Variants in KALRN observed in about 807,000 individuals in gnomAD.
KALRN encodes the protein kalirin RhoGEF kinase.
Under a neutral mutation model 353.7 loss-of-function variants are expected in KALRN, and 70 were observed. The ratio of observed to expected loss-of-function variants is 0.20; its 90% confidence interval spans 0.16 to 0.24. The LOEUF is 0.24. Among genes scored for constraint, KALRN ranks in the 10% least tolerant of loss-of-function variants. The pLI is 1.00. For synonymous variants in KALRN, 1,391 were observed against 1,434.8 expected (o/e 0.97, Z 0.69); for missense variants, 2,791 against 3,756.7 (o/e 0.74, Z 6.72).
chr3:124,280,380 G>T (rs2075224989), intron 5 of KALRN, among the ~76,000 whole-genome samples: 1 of 152,138 alleles, frequency 6.6e-6, no homozygotes, highest in African/African-American at 2.4e-5. Context: ...GGTCATTGGG[G>T]AACTACTCTC....
intron 6 of KALRN, among the ~76,000 whole-genome samples, chr3:124,321,702 A>C (rs931568018): frequency 6.6e-6 from 1 of 152,246 alleles, no homozygotes. Flanking sequence ...GCAGGGTGTC[A>C]ATATACACGG....
intron 12 of KALRN, among the ~76,000 whole-genome samples, chr3:124,396,895 C>T (rs1046223802): frequency 6.6e-6 from 1 of 152,202 alleles, no homozygotes; most frequent in Admixed American, 6.5e-5. Flanking sequence ...CCTAGGCTCC[C>T]CTCCCTGACA....
At chr3:124,488,542 G>A (rs1195327680) in intron 29 of KALRN, 1 of 508,156 alleles carries the variant, frequency 2.0e-6, no homozygotes, top group Non-Finnish European at 3.6e-6. Context: ...TGGAGGTTAT[G>A]TGGACATGTT....
At chr3:124,199,056 G>T (rs769120901) in intron 1 of KALRN, among the ~76,000 whole-genome samples, 25 of 152,342 alleles carry the variant, frequency 1.6e-4, no homozygotes, top group Non-Finnish European at 2.5e-4. Context: ...CTAAGGAAAG[G>T]CCTGAAAGGC....
At position 124,511,545 on chromosome 3, in the gene KALRN, C is replaced by A. The variant is rs148453024; in HGVS notation, c.4935+15132C>A. 2.0e-3 allele frequency among the ~76,000 whole-genome samples: 297 copies of A among 152,270 alleles called. 1 individual carries two copies. Among genetic ancestry groups the A allele is most frequent in the African/African-American group, 7.0e-3 (292 of 41,542 alleles). ...TCTGTATAATAGGCAAGGTCTGTCCCTGGGAGCTTCTAGAAGAAGAGCATG... is the reference window on the plus strand; with the variant it reads ...TCTGTATAATAGGCAAGGTCTGTCCATGGGAGCTTCTAGAAGAAGAGCATG... On this transcript the variant is annotated intron_variant, in intron 33 of 59. Transcript: ENST00000682506.
In KALRN at chr3:124,439,188, T is replaced by TCACACACACACACA. The variant is rs1491329331; in HGVS notation, c.3198+152_3198+153insACACACACACACAC. 508 of 363,246 alleles carry TCACACACACACACA rather than the reference T, an allele frequency of 1.4e-3. 5 individuals carry two copies. The highest frequency in any genetic ancestry group is 9.2e-3 in the East Asian group (156 of 16,930). The allele number at this position is 363,246 out of a possible 1,614,324, so 22.5% of individuals were successfully genotyped here. A position where few individuals can be genotyped will look rare whatever the true frequency, so the allele number is the denominator to read the frequency against. Reference sequence around the variant, plus strand: ...TTCTCCTCCTCCTCCTTCTTCTCCTTCTCTCTCTCTCTCACACACACACAC... The same window carrying TCACACACACACACA: ...TTCTCCTCCTCCTCCTTCTTCTCCTTCACACACACACACACTCTCTCTCTCTCACACACACACAC... On this transcript the variant is annotated intron_variant, in intron 18 of 59. Transcript: ENST00000682506.
intron 34 of KALRN, among the ~76,000 whole-genome samples, chr3:124,626,057 G>A (rs1349951524): frequency 1.3e-5 from 2 of 151,954 alleles, no homozygotes; most frequent in Non-Finnish European, 2.9e-5. Flanking sequence ...CACCAGCTTA[G>A]GCAACAGAGT....
intron 51 of KALRN, among the ~76,000 whole-genome samples, chr3:124,692,074 G>A (rs190453514): frequency 1.4e-3 from 218 of 152,244 alleles, no homozygotes; most frequent in African/African-American, 5.0e-3. Context: ...ATGTTGATTC[G>A]CTTTAGAGAG....
At chr3:124,360,786 C>T (rs1285192792) in intron 10 of KALRN, among the ~76,000 whole-genome samples, 1 of 152,158 alleles carries the variant, frequency 6.6e-6, no homozygotes, top group Admixed American at 6.5e-5. Flanking sequence ...TCTGTGACAC[C>T]GTGAGCAGGG....
chr3:124,272,592 G>A (rs2074281194), intron 5 of KALRN, among the ~76,000 whole-genome samples: 1 of 152,032 alleles, frequency 6.6e-6, no homozygotes, highest in South Asian at 2.1e-4. Context: ...GCATGTGCAT[G>A]TGAGTAGAGG....
chr3:124,532,922 T>C lies in KALRN; in HGVS notation c.4936-29921T>C, dbSNP rs989964333. Among the ~76,000 whole-genome samples, 6 of 150,074 alleles carry C rather than the reference T, an allele frequency of 4.0e-5. No individual in the cohort carries two copies. In the East Asian group the frequency reaches 5.8e-4, roughly 15 times the overall value. ...CTTTCCTATTAGTTCTTACCAATAA[T>C]TCCATGACTTTTATGGGAAAAAAAA... On this transcript the variant is annotated intron_variant, in intron 33 of 59. Transcript: ENST00000682506.
At chr3:124,645,634 C>G (rs1402259983) in intron 37 of KALRN, among the ~76,000 whole-genome samples, 2 of 101,178 alleles carry the variant, frequency 2.0e-5, no homozygotes, top group Non-Finnish European at 4.1e-5. Context: ...ATTTCTCTCT[C>G]TCTCTCTCTC....
intron 1 of KALRN, among the ~76,000 whole-genome samples, chr3:124,209,108 A>G (rs2150481385): frequency 6.6e-6 from 1 of 152,194 alleles, no homozygotes; most frequent in South Asian, 2.1e-4. Context: ...CTTTATGTAC[A>G]TTGTCTCTCT....
chr3:124,134,104 G>T (rs531023937), intron 1 of KALRN, among the ~76,000 whole-genome samples: 1 of 152,064 alleles, frequency 6.6e-6, no homozygotes, highest in South Asian at 2.1e-4. Flanking sequence ...TAAATCTGGA[G>T]GTATCACACT....
chr3:124,671,873 C>T lies in KALRN; in HGVS notation c.6917C>T (p.Pro2306Leu). The T allele has an allele frequency of 6.2e-7, 1 of 1,613,988 alleles. No individual in the cohort carries two copies. Among genetic ancestry groups the T allele is most frequent in the Non-Finnish European group, 8.5e-7 (1 of 1,179,916 alleles). ...NGSPGFEYHQPGDKFEASKND... is the reference protein window; with the variant it reads ...NGSPGFEYHQLGDKFEASKND... ...AGTCCAGGGTTTGAATACCACCAGC[C>T]TGGGGACAAGTTCGAAGCCAGCAAG... The change falls in exon 48 of 60, where the codon CCT becomes CTT. Residue 2306 changes from proline (P) to leucine (L), a missense_variant. Pro to Leu is a moderately conservative substitution (Grantham distance 98). Transcript: ENST00000682506.
At chr3:124,509,679 A>C (rs183826322) in intron 33 of KALRN, among the ~76,000 whole-genome samples, 48 of 152,322 alleles carry the variant, frequency 3.2e-4, no homozygotes, top group Admixed American at 2.7e-3. Flanking sequence ...ATTTCACTCT[A>C]TACATTATAT....
intron 18 of KALRN, among the ~76,000 whole-genome samples, chr3:124,439,434 T>C (rs1338992704): frequency 6.6e-6 from 1 of 152,238 alleles, no homozygotes; most frequent in Non-Finnish European, 1.5e-5. Context: ...TCTTCAGATA[T>C]CCCAGTATCC....
chr3:124,649,214 A>G (rs1411160304), intron 37 of KALRN, among the ~76,000 whole-genome samples: 18 of 152,200 alleles, frequency 1.2e-4, no homozygotes, highest in Non-Finnish European at 5.9e-5. Flanking sequence ...ATGGACCATC[A>G]GGAACCTCAT....
intron 33 of KALRN, among the ~76,000 whole-genome samples, chr3:124,527,160 C>T (rs1031826443): frequency 7.9e-5 from 12 of 152,232 alleles, no homozygotes; most frequent in South Asian, 6.2e-4. Context: ...ATGACTGACA[C>T]AATCAGGGCT....
Sources: gnomAD v4.1 joint callset for allele counts (sites outside exome capture counted in the v4.1 genomes callset) on GRCh38, gnomAD v4.1.1 for gene constraint, MANE v1.5 for transcripts, NCBI Gene and HGNC (gene_info 2026-07-23, HGNC 2026-07-21) for gene names.